Variants in RB1 observed in about 807,000 individuals in gnomAD.
RB1 encodes the protein RB transcriptional corepressor 1.
In RB1, 18 loss-of-function variants were observed where a neutral mutation model predicts 135.4. The ratio of observed to expected loss-of-function variants is 0.13; its 90% CI spans 0.09 to 0.20. The LOEUF (loss-of-function observed/expected upper bound fraction) is 0.20, where lower values mean the gene tolerates loss of function less well. RB1 is among the 10% of genes least tolerant of loss of function. The pLI is 1.00. For missense variants in RB1, 868 were observed against 1,110.0 expected, an observed-to-expected ratio of 0.78 and a Z score of 3.10; for synonymous variants, 365 against 373.2, an observed-to-expected ratio of 0.98 and a Z score of 0.25.
chr13:48,442,820 A>T (rs1949251005), intron 17 of RB1, among the ~76,000 whole-genome samples: 1 of 152,174 alleles, frequency 6.6e-6, no homozygotes, highest in African/African-American at 2.4e-5. Context: ...ACAATATTTT[A>T]AAATTAACAG....
intron 17 of RB1, among the ~76,000 whole-genome samples, chr13:48,413,637 T>C (rs12866052): frequency 4.8e-4 from 73 of 152,332 alleles, no homozygotes; most frequent in Non-Finnish European, 9.3e-4. Context: ...TGAGTAGCTC[T>C]TATCCTGGGT....
intron 17 of RB1, among the ~76,000 whole-genome samples, chr13:48,421,411 A>G (rs967838596): frequency 6.6e-6 from 1 of 152,146 alleles, no homozygotes; most frequent in Admixed American, 6.5e-5. Context: ...AGCCATGAAA[A>G]CCCTAGAAGA....
chr13:48,343,991 A>G (rs996636306), intron 3 of RB1, among the ~76,000 whole-genome samples: 1 of 152,172 alleles, frequency 6.6e-6, no homozygotes, highest in African/African-American at 2.4e-5. Context: ...AGTGAGGGCT[A>G]TAACTCATTG....
chr13:48,388,571 AG>A (rs1340436122), intron 17 of RB1, among the ~76,000 whole-genome samples: 1 of 152,180 alleles, frequency 6.6e-6, no homozygotes, highest in Non-Finnish European at 1.5e-5. Context: ...TGCTTAGAAA[AG>A]TTTAATAACT....
At chr13:48,308,059 G>C (rs969603558) in intron 2 of RB1, among the ~76,000 whole-genome samples, 8 of 151,726 alleles carry the variant, frequency 5.3e-5, no homozygotes, top group African/African-American at 1.9e-4. Flanking sequence ...AATTAGTTTT[G>C]TTAGAATTCA....
rs1376832893 is a variant in RB1, at chr13:48,318,337, A to C, written c.264+10931A>C. 8 of 1,391,514 alleles carry C rather than the reference A, an allele frequency of 5.7e-6. No individual in the cohort carries two copies. The Admixed American group carries it at 7.7e-5, about 13-fold the overall frequency. The allele number at this position is 1,391,514 out of a possible 1,614,324, so 86.2% of individuals were successfully genotyped here. On this transcript the variant is annotated intron_variant, in intron 2 of 26. Transcript: ENST00000267163. ...GCAGTGCTGAACCTGACCTTCCTGC[A>C]CGCAGCCCTGGGTTCCCTGCACCTC...
chr13:48,449,937 C>T (rs1319103626), intron 17 of RB1, among the ~76,000 whole-genome samples: 1 of 152,090 alleles, frequency 6.6e-6, no homozygotes, highest in Admixed American at 6.5e-5. Context: ...CAGATCTGTT[C>T]ATATCCTTTG....
intron 2 of RB1, chr13:48,341,196 C>A (rs1172093765): frequency 6.6e-6 from 1 of 151,994 alleles, no homozygotes; most frequent in Non-Finnish European, 1.5e-5. Context: ...CCTTTTGAGT[C>A]TGGCTTTTTC....
At chr13:48,338,049 A>G (rs938322984) in intron 2 of RB1, among the ~76,000 whole-genome samples, 2 of 152,164 alleles carry the variant, frequency 1.3e-5, no homozygotes, top group South Asian at 2.1e-4. Context: ...TGAGAGATCC[A>G]CTGTTAGTCT....
At chr13:48,437,853 A>T (rs1949199856) in intron 17 of RB1, among the ~76,000 whole-genome samples, 2 of 152,212 alleles carry the variant, frequency 1.3e-5, no homozygotes, top group African/African-American at 4.8e-5. Context: ...CTGCACAAGG[A>T]TATAAATACC....
chr13:48,375,850 A>T (rs1952816388), intron 12 of RB1, among the ~76,000 whole-genome samples: 1 of 151,928 alleles, frequency 6.6e-6, no homozygotes, highest in Non-Finnish European at 1.5e-5. Context: ...AAGTGCCGGG[A>T]TTACAGTCAT....
At chr13:48,417,910 G>C (rs1948940276) in intron 17 of RB1, among the ~76,000 whole-genome samples, 1 of 152,198 alleles carries the variant, frequency 6.6e-6, no homozygotes, top group Non-Finnish European at 1.5e-5. Context: ...GATTGTCCCT[G>C]TACCTGAAAG....
chr13:48,412,354 A>G (rs749495088), intron 17 of RB1: 2 of 1,613,840 alleles, frequency 1.2e-6, no homozygotes, highest in Non-Finnish European at 1.7e-6. Flanking sequence ...ACCATGCTGA[A>G]CATGCACCCA....
chr13:48,363,928 T>G (rs1187426041), intron 8 of RB1, among the ~76,000 whole-genome samples: 3 of 152,210 alleles, frequency 2.0e-5, no homozygotes, highest in Non-Finnish European at 2.9e-5. Flanking sequence ...ATAGTTTGTT[T>G]TATTGTCCAC....
In RB1 at chr13:48,455,616, G is replaced by A. The variant is rs992068172; in HGVS notation, c.1815-588G>A. On this transcript the variant is annotated intron_variant, in intron 18 of 26. Coordinates refer to ENST00000267163, the MANE Select transcript of RB1 (RefSeq NM_000321.3). Reference sequence around the variant, plus strand: ...GCTACCAAAAGAAAATCAGAAAGTAGATCTAGATTATTCTGTTAAATAGGG... The same window carrying A: ...GCTACCAAAAGAAAATCAGAAAGTAAATCTAGATTATTCTGTTAAATAGGG... 7.2e-5 allele frequency among the ~76,000 whole-genome samples: 11 copies of A among 152,308 alleles called. No homozygotes were observed. The South Asian group carries it at 1.9e-3, about 26-fold the overall frequency.
intron 13 of RB1, among the ~76,000 whole-genome samples, chr13:48,378,089 C>T (rs555655332): frequency 6.6e-6 from 1 of 152,242 alleles, no homozygotes; most frequent in East Asian, 1.9e-4. Flanking sequence ...TGAAGGCCTA[C>T]AATATTACCT....
chr13:48,466,553 A>G (rs1442805999), intron 23 of RB1, among the ~76,000 whole-genome samples: 1 of 152,174 alleles, frequency 6.6e-6, no homozygotes, highest in Non-Finnish European at 1.5e-5. Context: ...ACAAAGTTGG[A>G]CGGAGAATGA....
At chr13:48,340,643 T>C (rs1255116404) in intron 2 of RB1, among the ~76,000 whole-genome samples, 1 of 151,116 alleles carries the variant, frequency 6.6e-6, no homozygotes, top group Non-Finnish European at 1.5e-5. Context: ...AGTTATTGCC[T>C]GAGTGCAAAG....
chr13:48,433,788 G>A (rs562337608), intron 17 of RB1, among the ~76,000 whole-genome samples: 3 of 151,486 alleles, frequency 2.0e-5, no homozygotes, highest in South Asian at 4.2e-4. Context: ...GGCTTATTCA[G>A]ATTTATTCCA....
Sources: gnomAD v4.1 joint callset for allele counts (sites outside exome capture counted in the v4.1 genomes callset) on GRCh38, gnomAD v4.1.1 for gene constraint, MANE v1.5 for transcripts, NCBI Gene and HGNC (gene_info 2026-07-23, HGNC 2026-07-21) for gene names.